Variants in NXPH2 observed in about 807,000 individuals in gnomAD.
The protein encoded by NXPH2 is neurexophilin 2, also known as neurexophilin-2.
A neutral mutation model predicts 19.8 loss-of-function variants in NXPH2; 5 were observed. That is an observed-to-expected ratio of 0.25 (90% CI 0.13 to 0.53). The LOEUF (loss-of-function observed/expected upper bound fraction) is 0.53. NXPH2 is among the 20% of genes least tolerant of loss of function. NXPH2 has a pLI of 0.96. For synonymous variants in NXPH2, 154 were observed against 127.4 expected, an observed-to-expected ratio of 1.21 and a Z score of -1.41; for missense variants, 289 against 322.8, an observed-to-expected ratio of 0.90 and a Z score of 0.80.
intron 1 of NXPH2, among the ~76,000 whole-genome samples, chr2:138,691,794 T>C (rs907223494): frequency 1.3e-5 from 2 of 152,158 alleles, no homozygotes; most frequent in African/African-American, 2.4e-5. Context: ...CAAAACCATC[T>C]TGAGCCTTCC....
chr2:138,670,944 G>A lies in NXPH2; in HGVS notation c.773C>T (p.Thr258Ile). 6.2e-7 allele frequency: 1 copy of A among 1,613,326 alleles called. No homozygotes were observed. The highest frequency in any genetic ancestry group is 8.5e-7 in the Non-Finnish European group (1 of 1,179,556). Residue 258 changes from threonine (T) to isoleucine (I), a missense_variant, in exon 2 of 2, where the codon ACC becomes ATC. Transcript: ENST00000272641. ...VCPDYNYHSETPYLSSG is the reference protein window; with the variant it reads ...VCPDYNYHSEIPYLSSG ...AGATCAGCCAGAAGATAAGTATGGG[G>A]TCTCACTATGGTAATTGTAGTCAGG...
chr2:138,700,663 A>G (rs1026029341), intron 1 of NXPH2, among the ~76,000 whole-genome samples: 2 of 152,006 alleles, frequency 1.3e-5, no homozygotes, highest in South Asian at 2.1e-4. Flanking sequence ...CTCGTGCAAG[A>G]CATAAAAATG....
chr2:138,678,418 GGGT>G (rs1680518719), intron 1 of NXPH2, among the ~76,000 whole-genome samples: 1 of 152,024 alleles, frequency 6.6e-6, no homozygotes, highest in Admixed American at 6.5e-5. Context: ...ATTCTCATAA[GGGT>G]TGCAGACTGT....
At chr2:138,673,033 A>C (rs1021886678) in intron 1 of NXPH2, among the ~76,000 whole-genome samples, 2 of 152,194 alleles carry the variant, frequency 1.3e-5, no homozygotes, top group Non-Finnish European at 2.9e-5. Flanking sequence ...AAATGTATAG[A>C]TAGGTTTCTT....
chr2:138,695,755 C>T (rs1192108941), intron 1 of NXPH2, among the ~76,000 whole-genome samples: 1 of 151,826 alleles, frequency 6.6e-6, no homozygotes, highest in African/African-American at 2.4e-5. Context: ...ATGTAAAAAT[C>T]AAAATGGGAA....
intron 1 of NXPH2, among the ~76,000 whole-genome samples, chr2:138,742,771 C>G (rs1370986394): frequency 6.6e-6 from 1 of 152,184 alleles, no homozygotes; most frequent in African/African-American, 2.4e-5. Flanking sequence ...TAACTTATAT[C>G]CTAACTGTAG....
chr2:138,771,477 A>G (rs1324079940), intron 1 of NXPH2, among the ~76,000 whole-genome samples: 1 of 125,184 alleles, frequency 8.0e-6, no homozygotes, highest in Non-Finnish European at 1.9e-5. Context: ...GAGTAGTACT[A>G]AAAAAAAAAA....
intron 1 of NXPH2, among the ~76,000 whole-genome samples, chr2:138,755,156 A>T (rs749216344): frequency 2.0e-5 from 3 of 152,004 alleles, no homozygotes; most frequent in Non-Finnish European, 4.4e-5. Context: ...TTATCTTTTC[A>T]TTCTTTTAAT....
At chr2:138,692,509 T>C (rs1297094927) in intron 1 of NXPH2, among the ~76,000 whole-genome samples, 3 of 152,222 alleles carry the variant, frequency 2.0e-5, no homozygotes, top group Non-Finnish European at 4.4e-5. Flanking sequence ...AGGTACCTTT[T>C]TGCCATAAAG....
chr2:138,772,754 T>A (rs1682199484), intron 1 of NXPH2, among the ~76,000 whole-genome samples: 1 of 152,202 alleles, frequency 6.6e-6, no homozygotes, highest in Non-Finnish European at 1.5e-5. Context: ...TTCCTAGAAA[T>A]GTCCCTCAAG....
At chr2:138,707,094 C>CCAAAAAAAAAAAAAAAAAAAAAAA (rs1553482501) in intron 1 of NXPH2, among the ~76,000 whole-genome samples, 2 of 34,840 alleles carry the variant, frequency 5.7e-5, no homozygotes, top group Non-Finnish European at 5.7e-5. Context: ...TGCCCCATGA[C>CCAAAAAAAAAAAAAAAAAAAAAAA]AAAAAAAAAA....
chr2:138,739,220 A>C (rs1484285696), intron 1 of NXPH2, among the ~76,000 whole-genome samples: 49 of 152,216 alleles, frequency 3.2e-4, no homozygotes, highest in Non-Finnish European at 1.5e-5. Flanking sequence ...TCAACCAAGT[A>C]ATCACTGAAT....
At chr2:138,706,398 A>G (rs954591619) in intron 1 of NXPH2, among the ~76,000 whole-genome samples, 17 of 152,208 alleles carry the variant, frequency 1.1e-4, no homozygotes, top group African/African-American at 3.9e-4. Context: ...CAGATTAACC[A>G]ATGTTCTCCA....
intron 1 of NXPH2, among the ~76,000 whole-genome samples, chr2:138,767,681 C>T (rs1171443010): frequency 6.6e-6 from 1 of 151,916 alleles, no homozygotes; most frequent in African/African-American, 2.4e-5. Flanking sequence ...ACGTTTTTTT[C>T]CTAAGTAATC....
chr2:138,780,084 C>A, intron 1 of NXPH2, 107 bp downstream of exon 1: 2 of 1,157,902 alleles, frequency 1.7e-6, no homozygotes, highest in East Asian at 6.4e-5. Flanking sequence ...GCCCCCAACC[C>A]CACTTCCCAA....
chr2:138,722,685 A>G (rs1681299633), intron 1 of NXPH2, among the ~76,000 whole-genome samples: 1 of 152,216 alleles, frequency 6.6e-6, no homozygotes, highest in South Asian at 2.1e-4. Context: ...AGTAGGTGGA[A>G]GAGGTGTTCA....
chr2:138,703,469 A>G (rs1352433392), intron 1 of NXPH2, among the ~76,000 whole-genome samples: 1 of 152,170 alleles, frequency 6.6e-6, no homozygotes, highest in Non-Finnish European at 1.5e-5. Flanking sequence ...TGCCACAGTA[A>G]ACTATTTCCA....
chr2:138,669,861 G>A lies in NXPH2; in HGVS notation c.*1061C>T, dbSNP rs975088819. ...CTTGGTTGTCAGCACTTAATAATTA[G>A]AAATGTTTAAATATAACTCTCTATT... On this transcript the variant is annotated 3_prime_UTR_variant, in exon 2 of 2. Transcript: ENST00000272641. Among the ~76,000 whole-genome samples, 2 of 152,176 alleles carry A rather than the reference G, an allele frequency of 1.3e-5. No individual in the cohort carries two copies. The highest frequency in any genetic ancestry group is 4.8e-5 in the African/African-American group (2 of 41,442).
At chr2:138,744,002 CAAAAAAA>C (rs35072611) in intron 1 of NXPH2, among the ~76,000 whole-genome samples, 7 of 85,766 alleles carry the variant, frequency 8.2e-5, no homozygotes, top group African/African-American at 3.4e-4. Context: ...GACTCCATCT[CAAAAAAA>C]AAAAAAAAAA....
Sources: gnomAD v4.1 joint callset for allele counts (sites outside exome capture counted in the v4.1 genomes callset) on GRCh38, gnomAD v4.1.1 for gene constraint, MANE v1.5 for transcripts, NCBI Gene and HGNC (gene_info 2026-07-23, HGNC 2026-07-21) for gene names.